NBEAL2: variants seen among roughly 807,000 people sequenced by gnomAD.
The protein encoded by NBEAL2 is neurobeachin like 2.
In NBEAL2, 160 loss-of-function variants were observed where a neutral mutation model predicts 299.8. The ratio of observed to expected loss-of-function variants is 0.53; its 90% CI spans 0.47 to 0.61. The LOEUF is 0.61. NBEAL2 is among the 20% of genes least tolerant of loss of function. The pLI, the probability that NBEAL2 is intolerant of heterozygous loss-of-function variation, is 0.00. For missense variants in NBEAL2, 3,112 were observed against 3,649.0 expected (o/e 0.85, Z 3.79); for synonymous variants, 1,493 against 1,542.3 (o/e 0.97, Z 0.75).
At position 46,988,957 on chromosome 3, in the gene NBEAL2, A is replaced by G. The variant is rs754407148; in HGVS notation, c.256A>G (p.Ile86Val). 2.5e-6 allele frequency: 4 copies of G among 1,612,798 alleles called. No individual in the cohort carries two copies. Among genetic ancestry groups the G allele is most frequent in the Non-Finnish European group, 8.5e-7 (1 of 1,179,238 alleles). ...AGCCCTCCTGCTGCTCAAGCTCTTC[A>G]TCATTCTCTGCAGGTGTCTCTGTTG... ...EQALLLLKLF[I>V]ILCRNLENIE... is the part of the protein sequence containing the mutation. The change falls in exon 3 of 54, where the codon ATC becomes GTC. Residue 86 changes from isoleucine to valine, a missense_variant. Ile to Val is a conservative substitution (Grantham distance 29, BLOSUM62 3). Transcript: ENST00000450053. This position sits in a 1 kb window ranked among gnomAD's most constrained non-coding sequence, Gnocchi z 4.4.
chr3:46,994,582 C>A (rs2036338788), intron 12 of NBEAL2, 29 bp downstream of exon 12: 1 of 1,535,268 alleles, frequency 6.5e-7, no homozygotes, highest in Non-Finnish European at 8.8e-7. Context: ...GACCAGGGTC[C>A]CAAAGGCAAC....
chr3:46,984,992 A>G (rs2035589982), intron 1 of NBEAL2, among the ~76,000 whole-genome samples: 1 of 152,198 alleles, frequency 6.6e-6, no homozygotes, highest in African/African-American at 2.4e-5. Flanking sequence ...CAAGCTACTG[A>G]GAGTTAGAAC....
Position 46,988,111 on chromosome 3 carries a change from C to T in NBEAL2, c.52-558C>T, listed in dbSNP as rs756470708. 2.6e-4 allele frequency: 307 copies of T among 1,175,590 alleles called. No homozygotes were observed. Among genetic ancestry groups the T allele is most frequent in the Non-Finnish European group, 3.2e-4 (294 of 926,556 alleles). The allele number at this position is 1,175,590 out of a possible 1,614,324, so 72.8% of individuals were successfully genotyped here. ...CAAGGGTGGGTGGAGGTTCCCGGGG[C>T]AAGGCAGGGCCGCACATGAGGATGT... On this transcript the variant is annotated intron_variant, in intron 1 of 53. Coordinates refer to ENST00000450053, the MANE Select transcript of NBEAL2 (RefSeq NM_015175.3). This position sits in a 1 kb window ranked among gnomAD's most constrained non-coding sequence, Gnocchi z 4.4.
rs2037301222 is a variant in NBEAL2 at position 47,004,799 on chromosome 3, A to G, written c.6295-173A>G. The G allele has an allele frequency of 1.8e-6, 2 of 1,141,420 alleles. No individual in the cohort carries two copies. Among genetic ancestry groups the G allele is most frequent in the Admixed American group, 4.3e-5 (2 of 46,170 alleles). The allele number at this position is 1,141,420 out of a possible 1,614,324, so 70.7% of individuals were successfully genotyped here. A position where few individuals can be genotyped will look rare whatever the true frequency, so the allele number is the denominator to read the frequency against. On this transcript the variant is annotated intron_variant, in intron 38 of 53. Coordinates refer to ENST00000450053, the MANE Select transcript of NBEAL2 (RefSeq NM_015175.3). This position sits in a 1 kb window ranked among gnomAD's most constrained non-coding sequence, Gnocchi z 5.0. ...CTCCCTGCCTAGCCTCTATTCCTCA[A>G]AAGGAATCCTGTTCCAGGACACTCT...
intron 45 of NBEAL2, 135 bp downstream of exon 45, chr3:47,006,584 A>C: frequency 1.1e-6 from 1 of 881,540 alleles, no homozygotes; most frequent in Non-Finnish European, 1.8e-6. Flanking sequence ...AATGAGCTAA[A>C]CATGGGAAGA....
rs768232397 is a variant in NBEAL2 at position 46,999,337 on chromosome 3, A to G, written c.3566A>G (p.Asn1189Ser). The G allele has an allele frequency of 1.2e-6, 2 of 1,611,172 alleles. No homozygotes were observed. The highest frequency in any genetic ancestry group is 1.7e-6 in the Non-Finnish European group (2 of 1,179,138). ...CAGATCCTGCGCAGACTGCAGCAGA[A>G]TGAGCGGCTACCTGAGCGGAGCCGC... ...VCKILRRLQQ[N>S]ERLPERSRQR... The change falls in exon 25 of 54, where the codon AAT becomes AGT. Residue 1189 changes from asparagine (N) to serine (S), a missense_variant. Asn to Ser is a conservative substitution (Grantham distance 46, BLOSUM62 1). Transcript: ENST00000450053.
rs374312429 is a variant in NBEAL2, at chr3:47,008,311, G to A, written c.7748G>A (p.Arg2583His). Residue 2583 changes from arginine to histidine, a missense_variant, in exon 51 of 54, where the codon CGC becomes CAC. This residue lies in a region of NBEAL2 where 348 missense variants were observed against 381.4 expected (regional missense o/e 0.91). Coordinates refer to ENST00000450053, the MANE Select transcript of NBEAL2 (RefSeq NM_015175.3). ...EDGTVIIHTV[R>H]RGQFVAALRP... is the part of the protein sequence containing the mutation. ...GGAACTGTGATCATACACACTGTAC[G>A]CCGCGGACAGTTTGTAGCGGCACTA... 54 of 1,612,976 alleles carry A rather than the reference G, an allele frequency of 3.3e-5. No homozygotes were observed. The highest frequency in any genetic ancestry group is 1.2e-4 in the African/African-American group (9 of 74,924).
Position 46,995,402 on chromosome 3 carries a change from G to A in NBEAL2, c.1667G>A (p.Arg556Gln), listed in dbSNP as rs200256284. 212 of 1,612,752 alleles carry A rather than the reference G, an allele frequency of 1.3e-4. No homozygotes were observed. The African/African-American group carries it at 2.1e-3, about 16-fold the overall frequency. ...GGCGGAGCTGAGGCTGGAAAGGCCC[G>A]ACACGCAGGTGCTGTCATCCGCACA... ...EPGGAEAGKA[R>Q]HAGAVIRTLS... Residue 556 changes from arginine (R) to glutamine (Q), a missense_variant, in exon 13 of 54, where the codon CGA becomes CAA. Physicochemically the swap from Arg to Gln is conservative, Grantham distance 43. Around this residue, in one of 3 missense-constraint regions of NBEAL2, gnomAD observed 2,243 missense variants for 2,538.1 expected, o/e 0.88. Transcript: ENST00000450053.
intron 1 of NBEAL2, among the ~76,000 whole-genome samples, chr3:46,981,444 A>G (rs2035330313): frequency 6.6e-6 from 1 of 151,876 alleles, no homozygotes; most frequent in Non-Finnish European, 1.5e-5. Context: ...CCGTCTCAAA[A>G]AAATAAAATA....
chr3:46,979,681 C>G lies in NBEAL2; in HGVS notation c.-181C>G, dbSNP rs1575572851. 3.2e-6 allele frequency: 1 copy of G among 316,564 alleles called. No homozygotes were observed. The highest frequency in any genetic ancestry group is 8.6e-4 in the Middle Eastern group (1 of 1,164). The allele number at this position is 316,564 out of a possible 1,614,324, so 19.6% of individuals were successfully genotyped here. A position where few individuals can be genotyped will look rare whatever the true frequency, so the allele number is the denominator to read the frequency against. On this transcript the variant is annotated 5_prime_UTR_variant, in exon 1 of 54. Coordinates refer to ENST00000450053, the MANE Select transcript of NBEAL2 (RefSeq NM_015175.3). Reference sequence around the variant, plus strand: ...GGCGGCCGGCAGTGAGGAGGAGGAGCGAGCAGACTTGGGTGGCTCTGCGCC... The same window carrying G: ...GGCGGCCGGCAGTGAGGAGGAGGAGGGAGCAGACTTGGGTGGCTCTGCGCC...
Position 46,993,957 on chromosome 3 carries a change from C to G in NBEAL2, c.1134C>G (p.Asp378Glu). 6.2e-7 allele frequency: 1 copy of G among 1,611,432 alleles called. No homozygotes were observed. Among genetic ancestry groups the G allele is most frequent in the Middle Eastern group, 1.7e-4 (1 of 6,058 alleles). Residue 378 changes from aspartate to glutamate, a missense_variant, in exon 11 of 54, where the codon GAC (aspartate) becomes GAG (glutamate). Around this residue, in one of 3 missense-constraint regions of NBEAL2, gnomAD observed 2,243 missense variants for 2,538.1 expected, o/e 0.88. Coordinates refer to ENST00000450053, the MANE Select transcript of NBEAL2 (RefSeq NM_015175.3). ...CCAAGGTCCTGGACCAAGACACAGACGCCATTGCAGTCCATGTAGTCAGAG... is the reference window on the plus strand; with the variant it reads ...CCAAGGTCCTGGACCAAGACACAGAGGCCATTGCAGTCCATGTAGTCAGAG... ...DVQKVLDQDT[D>E]AIAVHVVRVL...
At chr3:46,997,791 C>T in intron 20 of NBEAL2, 97 bp downstream of exon 20, 2 of 1,406,324 alleles carry the variant, frequency 1.4e-6, no homozygotes, top group Non-Finnish European at 1.9e-6. Context: ...TGAAGAACCT[C>T]CTGGGAGAGT....
At chr3:46,999,528 A>G in intron 25 of NBEAL2, 54 bp downstream of exon 25, 1 of 1,585,150 alleles carries the variant, frequency 6.3e-7, no homozygotes, top group Admixed American at 1.7e-5. Context: ...AAAACAGGGC[A>G]GGCAGGCCGG....
Position 46,993,958 on chromosome 3 carries a change from G to A in NBEAL2, c.1135G>A (p.Ala379Thr), listed in dbSNP as rs371844216. 2.0e-5 allele frequency: 33 copies of A among 1,611,416 alleles called. No homozygotes were observed. The highest frequency in any genetic ancestry group is 5.5e-5 in the South Asian group (5 of 90,468). The change falls in exon 11 of 54, where the codon GCC (alanine) becomes ACC (threonine). Residue 379 changes from alanine (A) to threonine (T), a missense_variant. This residue lies in a region of NBEAL2 where 2,243 missense variants were observed against 2,538.1 expected (regional missense o/e 0.88). Transcript: ENST00000450053. ...CAAGGTCCTGGACCAAGACACAGAC[G>A]CCATTGCAGTCCATGTAGTCAGAGT... ...VQKVLDQDTD[A>T]IAVHVVRVLT...
chr3:47,004,465 G>T lies in NBEAL2; in HGVS notation c.6199-30G>T. 1 of 1,609,430 alleles carries T rather than the reference G, an allele frequency of 6.2e-7. No individual in the cohort carries two copies. Among genetic ancestry groups the T allele is most frequent in the Non-Finnish European group, 8.5e-7 (1 of 1,176,610 alleles). Reference sequence around the variant, plus strand: ...CGGGGCAGTGCTGGACAGCCCACCTGGCTCACATCTTGTCTGCCCCTGTCC... The same window carrying T: ...CGGGGCAGTGCTGGACAGCCCACCTTGCTCACATCTTGTCTGCCCCTGTCC... On this transcript the variant is annotated intron_variant, in intron 37 of 53. Transcript: ENST00000450053. The surrounding 1 kb of genome is among the most constrained non-coding windows in gnomAD (Gnocchi z 5.0).
Position 47,009,434 on chromosome 3 carries a change from C to A in NBEAL2, c.*114C>A. ...GGGCAGCCCAGGGGGGTGAGCGGGG[C>A]CCACCCTGCCCAGCTCAGGGATTGG... On this transcript the variant is annotated 3_prime_UTR_variant, in exon 54 of 54. Coordinates refer to ENST00000450053, the MANE Select transcript of NBEAL2 (RefSeq NM_015175.3). 2 of 902,234 alleles carry A rather than the reference C, an allele frequency of 2.2e-6. No individual in the cohort carries two copies. Among genetic ancestry groups the A allele is most frequent in the Non-Finnish European group, 3.4e-6 (2 of 588,692 alleles). The allele number at this position is 902,234 out of a possible 1,614,324, so 55.9% of individuals were successfully genotyped here.
In NBEAL2 at chr3:46,988,775, C is replaced by T. The variant is rs1360291952; in HGVS notation, c.140+18C>T. The T allele has an allele frequency of 6.2e-7, 1 of 1,611,286 alleles. No individual in the cohort carries two copies. The highest frequency in any genetic ancestry group is 1.1e-5 in the South Asian group (1 of 91,010). ...CCACGAAGGTGAGGCTGGATCTGCA[C>T]TGAGGGCAGGGACAGAGCAGGGAGA... On this transcript the variant is annotated intron_variant, in intron 2 of 53. Transcript: ENST00000450053. This position sits in a 1 kb window ranked among gnomAD's most constrained non-coding sequence, Gnocchi z 4.4.
rs1471056675 is a variant in NBEAL2, at chr3:47,001,747, A to G, written c.4703A>G (p.Asn1568Ser). Reference protein sequence around the residue: ...DRLGAWPHLANGTADLREMAQ... With the variant: ...DRLGAWPHLASGTADLREMAQ... ...CTGGGAGCCTGGCCCCACCTGGCCA[A>G]CGGCACAGCTGATCTCCGTGAGATG... Residue 1568 changes from asparagine (N) to serine (S), a missense_variant, in exon 30 of 54, where the codon AAC becomes AGC. Transcript: ENST00000450053. The surrounding 1 kb of genome is among the most constrained non-coding windows in gnomAD (Gnocchi z 6.1). The G allele has an allele frequency of 1.2e-6, 2 of 1,613,814 alleles. No homozygotes were observed. The highest frequency in any genetic ancestry group is 1.3e-5 in the African/African-American group (1 of 74,934).
intron 10 of NBEAL2, among the ~76,000 whole-genome samples, chr3:46,993,046 C>T (rs868781318): frequency 4.6e-5 from 7 of 152,218 alleles, no homozygotes; most frequent in African/African-American, 1.2e-4. Context: ...AGCTTCACAG[C>T]GGGCACCCTT....
Sources: allele counts gnomAD v4.1 joint callset (sites outside exome capture counted in the v4.1 genomes callset), GRCh38; gene constraint gnomAD v4.1.1; regional missense constraint gnomAD v4.1.1; non-coding constraint Gnocchi (gnomAD v3.1); transcripts MANE v1.5; gene names NCBI Gene and HGNC (gene_info 2026-07-23, HGNC 2026-07-21).